The following CNOT2 variants were observed in gnomAD, a reference collection of about 807,000 sequenced individuals.
CNOT2 encodes CCR4-NOT transcription complex subunit 2.
A neutral mutation model predicts 72.1 loss-of-function variants in CNOT2; 7 were observed. That is an observed-to-expected ratio of 0.10 (90% CI 0.06 to 0.18). CNOT2 has a LOEUF of 0.18. Ranked by LOEUF, CNOT2 falls within the 10% of genes least tolerant of loss-of-function variation. The pLI, the probability that CNOT2 is intolerant of heterozygous loss-of-function variation, is 1.00. For missense variants in CNOT2, 345 were observed against 660.3 expected, an observed-to-expected ratio of 0.52 and a Z score of 5.23; for synonymous variants, 196 against 225.6, an observed-to-expected ratio of 0.87 and a Z score of 1.17.
chr12:70,333,364 A>G (rs1462150291), intron 7 of CNOT2, among the ~76,000 whole-genome samples: 2 of 151,956 alleles, frequency 1.3e-5, no homozygotes, highest in Admixed American at 6.6e-5. Context: ...ATTTAGTTAC[A>G]TGGAAAACCA....
At chr12:70,244,753 C>T (rs933945404) in intron 1 of CNOT2, among the ~76,000 whole-genome samples, 1 of 152,214 alleles carries the variant, frequency 6.6e-6, no homozygotes, top group African/African-American at 2.4e-5. Flanking sequence ...GCTTTGAACC[C>T]TTAGTTCTTG....
chr12:70,309,027 G>A (rs1201789072), intron 2 of CNOT2, among the ~76,000 whole-genome samples: 1 of 152,096 alleles, frequency 6.6e-6, no homozygotes, highest in Non-Finnish European at 1.5e-5. Flanking sequence ...AATCTTATGT[G>A]TAGTGAATCT....
chr12:70,300,189 C>G (rs963865331), intron 2 of CNOT2, among the ~76,000 whole-genome samples: 1 of 152,004 alleles, frequency 6.6e-6, no homozygotes, highest in African/African-American at 2.4e-5. Flanking sequence ...CTCTGATGGT[C>G]GTTTCTTTTG....
chr12:70,335,573 C>G lies in CNOT2; in HGVS notation c.775+10C>G. 2 of 1,604,798 alleles carry G rather than the reference C, an allele frequency of 1.2e-6. No individual in the cohort carries two copies. The highest frequency in any genetic ancestry group is 1.7e-6 in the Non-Finnish European group (2 of 1,172,814). On this transcript the variant is annotated intron_variant, in intron 8 of 15. Coordinates refer to ENST00000229195, the MANE Select transcript of CNOT2 (RefSeq NM_014515.7). ...GGAAGAGCTCCTTATGGTAATTAAGCTTTTTAATGATGGCCAGTAGAAAGT... is the reference window on the plus strand; with the variant it reads ...GGAAGAGCTCCTTATGGTAATTAAGGTTTTTAATGATGGCCAGTAGAAAGT...
At chr12:70,319,164 T>G (rs1877870018) in intron 3 of CNOT2, 134 bp from the exon 4 acceptor site, 1 of 633,604 alleles carries the variant, frequency 1.6e-6, no homozygotes, top group East Asian at 2.9e-5. Flanking sequence ...ATAGAATGTT[T>G]GTTTTATGTT....
rs1022109242 is a variant in CNOT2, at chr12:70,349,445, T to C, written c.1536+3121T>C. Among the ~76,000 whole-genome samples the C allele has an allele frequency of 2.6e-5, 4 of 152,264 alleles. No homozygotes were observed. The South Asian group carries it at 8.3e-4, about 32-fold the overall frequency. On this transcript the variant is annotated intron_variant, in intron 15 of 15. Coordinates refer to ENST00000229195, the MANE Select transcript of CNOT2 (RefSeq NM_014515.7). ...ACATTTTAAATAATAGCTGATATTA[T>C]GGTGTTCTTGAAAGGTACTGAACTG...
chr12:70,293,947 A>G, intron 2 of CNOT2: 1 of 124,650 alleles, frequency 8.0e-6, no homozygotes, highest in East Asian at 2.5e-4. Context: ...TTTTAAACTT[A>G]GTACTTTGAA....
intron 2 of CNOT2, among the ~76,000 whole-genome samples, chr12:70,293,782 G>C (rs1755463548): frequency 6.6e-6 from 1 of 152,090 alleles, no homozygotes; most frequent in African/African-American, 2.4e-5. Flanking sequence ...GTACTCAAGA[G>C]AGCAAGAGAG....
chr12:70,256,597 A>AG (rs1191967509), intron 1 of CNOT2, among the ~76,000 whole-genome samples: 1 of 151,414 alleles, frequency 6.6e-6, no homozygotes, highest in Non-Finnish European at 1.5e-5. Context: ...AAAAAAAAAA[A>AG]AAAAAAGTGG....
At chr12:70,257,578 A>G (rs903440205) in intron 1 of CNOT2, among the ~76,000 whole-genome samples, 13 of 151,634 alleles carry the variant, frequency 8.6e-5, no homozygotes, top group Non-Finnish European at 1.0e-4. Context: ...CGTGTTAGCC[A>G]GGATGCTCTC....
intron 15 of CNOT2, 181 bp downstream of exon 15, chr12:70,346,505 A>G (rs1882195001): frequency 6.8e-6 from 3 of 441,538 alleles, no homozygotes; most frequent in East Asian, 3.4e-5. Flanking sequence ...AATTGGTTTC[A>G]CTGATAGTTA....
intron 1 of CNOT2, among the ~76,000 whole-genome samples, chr12:70,247,471 T>C (rs567909596): frequency 1.3e-5 from 2 of 152,312 alleles, no homozygotes; most frequent in Admixed American, 1.3e-4. Flanking sequence ...TTTTTATTCA[T>C]GTGTATGTTA....
At chr12:70,308,804 C>G (rs1031695639) in intron 2 of CNOT2, among the ~76,000 whole-genome samples, 1 of 152,098 alleles carries the variant, frequency 6.6e-6, no homozygotes, top group Admixed American at 6.5e-5. Flanking sequence ...AAGTGTTATA[C>G]AAACAGTGTC....
chr12:70,339,644 G>T (rs183246513), intron 11 of CNOT2, among the ~76,000 whole-genome samples: 2 of 152,184 alleles, frequency 1.3e-5, no homozygotes, highest in East Asian at 3.9e-4. Context: ...TCAAAAGTAG[G>T]CTCTTAATTC....
chr12:70,301,278 A>G (rs1248994262), intron 2 of CNOT2, among the ~76,000 whole-genome samples: 1 of 152,114 alleles, frequency 6.6e-6, no homozygotes, highest in Non-Finnish European at 1.5e-5. Flanking sequence ...GTGGTGAGAG[A>G]GGGCATCCTT....
intron 1 of CNOT2, among the ~76,000 whole-genome samples, chr12:70,257,271 G>A (rs1029324560): frequency 2.0e-5 from 3 of 151,642 alleles, no homozygotes; most frequent in African/African-American, 7.3e-5. Flanking sequence ...AGGTTAGAAG[G>A]AGTAAATGAC....
At chr12:70,245,303 T>C (rs1457040404) in intron 1 of CNOT2, among the ~76,000 whole-genome samples, 1 of 152,228 alleles carries the variant, frequency 6.6e-6, no homozygotes, top group Non-Finnish European at 1.5e-5. Flanking sequence ...CACTTATTTC[T>C]TGACTTTGTA....
intron 2 of CNOT2, among the ~76,000 whole-genome samples, chr12:70,310,192 G>A (rs1465068218): frequency 6.6e-6 from 1 of 152,030 alleles, no homozygotes; most frequent in East Asian, 1.9e-4. Context: ...TAATCCATGA[G>A]GGGAGAGGTC....
At chr12:70,313,550 C>CT (rs1037479909) in intron 3 of CNOT2, among the ~76,000 whole-genome samples, 4 of 151,362 alleles carry the variant, frequency 2.6e-5, no homozygotes, top group African/African-American at 7.3e-5. Context: ...GTTCCAAATA[C>CT]TTTTTTTTTC....
Sources: gnomAD v4.1 joint callset for allele counts (sites outside exome capture counted in the v4.1 genomes callset) on GRCh38, gnomAD v4.1.1 for gene constraint, MANE v1.5 for transcripts, NCBI Gene and HGNC (gene_info 2026-07-23, HGNC 2026-07-21) for gene names.